Variants in BICC1 observed in about 807,000 individuals in gnomAD.
BICC1 encodes the protein BicC family RNA binding protein 1.
A neutral mutation model predicts 111.0 loss-of-function variants in BICC1; 43 were observed. The observed-to-expected ratio is 0.39, with a 90% confidence interval of 0.30 to 0.50. BICC1 has a LOEUF of 0.50. BICC1 is among the 20% of genes least tolerant of loss of function. The probability of loss-of-function intolerance (pLI) is 0.88; values close to 1 mark genes in which losing one functional copy is unlikely to be tolerated. For missense variants in BICC1, 1,091 were observed against 1,203.2 expected, an observed-to-expected ratio of 0.91 and a Z score of 1.38; for synonymous variants, 467 against 434.4, an observed-to-expected ratio of 1.07 and a Z score of -0.93.
intron 2 of BICC1, among the ~76,000 whole-genome samples, chr10:58,647,547 A>G (rs1184417562): frequency 1.3e-5 from 2 of 152,154 alleles, no homozygotes; most frequent in African/African-American, 2.4e-5. Flanking sequence ...AGTATCAAAG[A>G]GTGAGTGATT....
intron 1 of BICC1, among the ~76,000 whole-genome samples, chr10:58,569,621 T>A (rs564638806): frequency 6.6e-6 from 1 of 152,292 alleles, no homozygotes; most frequent in African/African-American, 2.4e-5. Flanking sequence ...ACCTCCCACT[T>A]ACGAGTGAGA....
intron 1 of BICC1, among the ~76,000 whole-genome samples, chr10:58,554,257 C>T (rs16912382): frequency 0.12 from 18,472 of 151,994 alleles, 1,243 homozygotes; most frequent in Middle Eastern, 0.17. Flanking sequence ...TCAGAGAGGA[C>T]AATTTAAGTG....
intron 3 of BICC1, among the ~76,000 whole-genome samples, chr10:58,750,171 T>G (rs1441186549): frequency 6.6e-6 from 1 of 152,104 alleles, no homozygotes; most frequent in African/African-American, 2.4e-5. Context: ...GTGAATAGTT[T>G]ATTGCTCACA....
chr10:58,661,614 G>C (rs1691356387), intron 2 of BICC1, among the ~76,000 whole-genome samples: 1 of 152,146 alleles, frequency 6.6e-6, no homozygotes, highest in South Asian at 2.1e-4. Context: ...TTAAGGTATA[G>C]AGTTACCTAC....
intron 2 of BICC1, among the ~76,000 whole-genome samples, chr10:58,634,982 G>C (rs1837911842): frequency 6.6e-6 from 1 of 152,120 alleles, no homozygotes; most frequent in Non-Finnish European, 1.5e-5. Context: ...GGTGGAAAAA[G>C]AGGAGAGGTT....
chr10:58,561,289 A>G (rs759638958), intron 1 of BICC1, among the ~76,000 whole-genome samples: 1 of 151,950 alleles, frequency 6.6e-6, no homozygotes, highest in African/African-American at 2.4e-5. Flanking sequence ...TCTCTTTATC[A>G]TTATATAATG....
chr10:58,531,331 A>C (rs890003766), intron 1 of BICC1, among the ~76,000 whole-genome samples: 1 of 151,852 alleles, frequency 6.6e-6, no homozygotes, highest in Non-Finnish European at 1.5e-5. Flanking sequence ...AAAAGAAACC[A>C]GAAAACTTTG....
intron 2 of BICC1, among the ~76,000 whole-genome samples, chr10:58,634,869 GA>G (rs1837908832): frequency 1.3e-5 from 2 of 152,226 alleles, no homozygotes; most frequent in South Asian, 4.2e-4. Flanking sequence ...ATATTTTTAA[GA>G]AAATCGTAAG....
rs1170003114 is a variant in BICC1, at chr10:58,512,876, C to T, written c.-268C>T. On this transcript the variant is annotated 5_prime_UTR_variant, in exon 1 of 21. Coordinates refer to ENST00000373886, the MANE Select transcript of BICC1 (RefSeq NM_001080512.3). The stretch of plus-strand genomic sequence containing the variant: ...CGCGGGCAGCGCGGCGCGCTCATTC[C>T]GCGCGGGCGTTGCTGGCGGGGGGCG... 1.4e-5 allele frequency among the ~76,000 whole-genome samples: 2 copies of T among 147,842 alleles called. No individual in the cohort carries two copies. The highest frequency in any genetic ancestry group is 1.3e-4 in the Admixed American group (2 of 14,902).
At chr10:58,792,196 A>G (rs1364665368) in intron 8 of BICC1, among the ~76,000 whole-genome samples, 11 of 152,088 alleles carry the variant, frequency 7.2e-5, no homozygotes, top group Admixed American at 6.6e-4. Flanking sequence ...TGTGCATCAG[A>G]GAAAGTATAT....
intron 2 of BICC1, 51 bp from the exon 3 acceptor site, chr10:58,702,023 G>A: frequency 7.1e-7 from 1 of 1,402,172 alleles, no homozygotes; most frequent in Non-Finnish European, 1.0e-6. Context: ...AATCTTATCT[G>A]TAAATACAAG....
At chr10:58,802,537 C>A (rs1843581614) in intron 14 of BICC1, among the ~76,000 whole-genome samples, 2 of 152,072 alleles carry the variant, frequency 1.3e-5, no homozygotes, top group South Asian at 4.1e-4. Flanking sequence ...TGCCTGTCCC[C>A]CTCAACAGAC....
chr10:58,589,614 C>G (rs186126254), intron 1 of BICC1, among the ~76,000 whole-genome samples: 12 of 151,792 alleles, frequency 7.9e-5, no homozygotes, highest in Middle Eastern at 3.2e-3. Flanking sequence ...AGGGACTAGA[C>G]GTGCATGCCA....
intron 1 of BICC1, among the ~76,000 whole-genome samples, chr10:58,620,061 C>T (rs1180580985): frequency 6.6e-6 from 1 of 152,120 alleles, no homozygotes; most frequent in Non-Finnish European, 1.5e-5. Flanking sequence ...CCTGTTTGGC[C>T]TTAGAAAGAT....
chr10:58,636,772 A>G (rs182032776), intron 2 of BICC1, among the ~76,000 whole-genome samples: 363 of 152,344 alleles, frequency 2.4e-3, no homozygotes, highest in Non-Finnish European at 3.8e-3. Flanking sequence ...AAGTCATTTG[A>G]CAACTGAGCT....
chr10:58,583,284 G>T (rs941093280), intron 1 of BICC1, among the ~76,000 whole-genome samples: 1 of 151,848 alleles, frequency 6.6e-6, no homozygotes, highest in African/African-American at 2.4e-5. Context: ...TTGGTTATAT[G>T]GATAAATTCT....
intron 3 of BICC1, among the ~76,000 whole-genome samples, chr10:58,741,040 T>C (rs1462065195): frequency 6.6e-6 from 1 of 152,154 alleles, no homozygotes. Flanking sequence ...GTCAAGAGAC[T>C]GGAAATGGAT....
At chr10:58,612,434 G>C (rs148427807) in intron 1 of BICC1, among the ~76,000 whole-genome samples, 131 of 152,194 alleles carry the variant, frequency 8.6e-4, no homozygotes, top group African/African-American at 3.1e-3. Context: ...AAAATATATG[G>C]CATAGCTCTT....
intron 2 of BICC1, among the ~76,000 whole-genome samples, chr10:58,630,668 A>G (rs1837766456): frequency 6.6e-6 from 1 of 152,164 alleles, no homozygotes; most frequent in Non-Finnish European, 1.5e-5. Context: ...TACAAGGCCT[A>G]AATCATGAAT....
Sources: allele counts gnomAD v4.1 joint callset (sites outside exome capture counted in the v4.1 genomes callset), GRCh38; gene constraint gnomAD v4.1.1; transcripts MANE v1.5; gene names NCBI Gene and HGNC (gene_info 2026-07-23, HGNC 2026-07-21).